Variants in CCDC7 observed in about 807,000 individuals in gnomAD.
CCDC7 encodes coiled-coil domain-containing protein 7.
A neutral mutation model predicts 196.9 loss-of-function variants in CCDC7; 183 were observed. That is an observed-to-expected ratio of 0.93 (90% confidence interval 0.82 to 1.05). The LOEUF is 1.05. Among genes scored for constraint, CCDC7 ranks in the 50% least tolerant of loss-of-function variants. The pLI is 0.00. For synonymous variants in CCDC7, 525 were observed against 484.6 expected (o/e 1.08, Z -1.10); for missense variants, 1,540 against 1,482.2 (o/e 1.04, Z -0.64).
At chr10:32,798,718 G>C (rs112417332) in intron 29 of CCDC7, among the ~76,000 whole-genome samples, 6,948 of 152,272 alleles carry the variant, frequency 0.046, 537 homozygotes, top group African/African-American at 0.16. Flanking sequence ...CTTCCATGCA[G>C]AGTGCACAAC....
intron 41 of CCDC7, among the ~76,000 whole-genome samples, chr10:32,858,970 G>A (rs1353518270): frequency 6.6e-6 from 1 of 152,106 alleles, no homozygotes; most frequent in Non-Finnish European, 1.5e-5. Context: ...ATAATAGTGG[G>A]AGACTTTAAC....
intron 25 of CCDC7, among the ~76,000 whole-genome samples, chr10:32,715,777 C>A (rs1236117125): frequency 6.6e-6 from 1 of 152,054 alleles, no homozygotes; most frequent in Non-Finnish European, 1.5e-5. Context: ...ATAGATGAAT[C>A]AATCAAGTGG....
At chr10:32,639,199 AT>A in intron 20 of CCDC7, among the ~76,000 whole-genome samples, 1 of 151,982 alleles carries the variant, frequency 6.6e-6, no homozygotes, top group South Asian at 2.1e-4. Context: ...GGATTCATTG[AT>A]TTTTTTGAAG....
chr10:32,572,651 A>G (rs1034202138), intron 16 of CCDC7, among the ~76,000 whole-genome samples: 1 of 152,136 alleles, frequency 6.6e-6, no homozygotes, highest in East Asian at 1.9e-4. Context: ...TTTAAATACA[A>G]TGTCCAAGAG....
chr10:32,662,832 G>A (rs1450499911), intron 20 of CCDC7, among the ~76,000 whole-genome samples: 1 of 152,122 alleles, frequency 6.6e-6, no homozygotes, highest in Non-Finnish European at 1.5e-5. Context: ...AATGAACCTA[G>A]GTCTGAGTTT....
chr10:32,851,162 T>A (rs2093551662), intron 39 of CCDC7, among the ~76,000 whole-genome samples: 3 of 152,154 alleles, frequency 2.0e-5, no homozygotes, highest in African/African-American at 7.2e-5. Context: ...GAAGTGTAAT[T>A]TTAGGTTGTT....
At chr10:32,872,301 G>A (rs1276376368) in intron 41 of CCDC7, among the ~76,000 whole-genome samples, 1 of 151,952 alleles carries the variant, frequency 6.6e-6, no homozygotes, top group East Asian at 1.9e-4. Flanking sequence ...TTACCATTAT[G>A]TAATGGCCTT....
At chr10:32,841,281 C>T (rs1012639872) in intron 33 of CCDC7, among the ~76,000 whole-genome samples, 14 of 151,828 alleles carry the variant, frequency 9.2e-5, no homozygotes, top group Non-Finnish European at 1.5e-4. Flanking sequence ...TCCCAGAACT[C>T]GTAAATGAAT....
intron 20 of CCDC7, among the ~76,000 whole-genome samples, chr10:32,660,784 G>A (rs1310970957): frequency 4.6e-5 from 7 of 151,360 alleles, no homozygotes; most frequent in Non-Finnish European, 7.4e-5. Context: ...ATAGAAAGCT[G>A]AAACTGGATC....
intron 30 of CCDC7, among the ~76,000 whole-genome samples, chr10:32,814,107 G>A (rs543633167): frequency 5.9e-5 from 9 of 152,120 alleles, no homozygotes; most frequent in South Asian, 2.1e-4. Flanking sequence ...ACAGGCATGC[G>A]CCACCACACC....
intron 16 of CCDC7, among the ~76,000 whole-genome samples, chr10:32,573,199 A>G (rs1420538669): frequency 3.3e-5 from 5 of 152,094 alleles, no homozygotes; most frequent in African/African-American, 1.2e-4. Flanking sequence ...ATTCATACTC[A>G]GATTATGGTA....
At chr10:32,681,794 C>T (rs917887981) in intron 21 of CCDC7, among the ~76,000 whole-genome samples, 1 of 149,160 alleles carries the variant, frequency 6.7e-6, no homozygotes, top group Non-Finnish European at 1.5e-5. Flanking sequence ...CAGCTTCATA[C>T]ACACATCTGC....
At chr10:32,560,245 T>C (rs1161400825) in intron 13 of CCDC7, among the ~76,000 whole-genome samples, 2 of 152,180 alleles carry the variant, frequency 1.3e-5, no homozygotes, top group Non-Finnish European at 2.9e-5. Context: ...TGGAAAACAC[T>C]CTGCAAGATA....
At chr10:32,549,117 AG>A (rs1319936200) in intron 13 of CCDC7, among the ~76,000 whole-genome samples, 1 of 152,178 alleles carries the variant, frequency 6.6e-6, no homozygotes, top group African/African-American at 2.4e-5. Context: ...TGCAGGAGCA[AG>A]GTGGTATGGC....
In CCDC7 at chr10:32,675,090, A is replaced by G. The variant is rs116288244; in HGVS notation, c.2123-10880A>G. On this transcript the variant is annotated intron_variant, in intron 21 of 41. Coordinates refer to ENST00000639629, the Ensembl canonical transcript of CCDC7. ...TTTGAATGTTAACTTTAACCTATTT[A>G]TATTTAAAATTATTATTGCTAGGTG... 3.7e-3 allele frequency among the ~76,000 whole-genome samples: 559 copies of G among 152,172 alleles called. 3 individuals carry two copies. Among genetic ancestry groups the G allele is most frequent in the African/African-American group, 0.012 (518 of 41,540 alleles).
Position 32,603,161 on chromosome 10 carries a change from C to CTT in CCDC7, c.1801+18869_1801+18870dup, listed in dbSNP as rs35440134. On this transcript the variant is annotated intron_variant, in intron 18 of 41. Transcript: ENST00000639629. The stretch of plus-strand genomic sequence containing the variant: ...GTACTCTATATCCCCATGAAATTCA[C>CTT]TTTTTTTTTTTTTAGCTCATACATA... Among the ~76,000 whole-genome samples the CTT allele has an allele frequency of 1.7e-3, 253 of 145,840 alleles. 1 individual carries two copies. The highest frequency in any genetic ancestry group is 5.3e-3 in the African/African-American group (210 of 39,844).
intron 20 of CCDC7, among the ~76,000 whole-genome samples, chr10:32,647,546 G>T (rs1053494577): frequency 3.1e-5 from 4 of 130,490 alleles, no homozygotes; most frequent in African/African-American, 1.1e-4. Context: ...GTGTGAGATG[G>T]TATCTCATTG....
chr10:32,651,363 T>C (rs1214901015), intron 20 of CCDC7, among the ~76,000 whole-genome samples: 1 of 152,100 alleles, frequency 6.6e-6, no homozygotes, highest in Admixed American at 6.5e-5. Context: ...TCCATCCACA[T>C]TTGGTGTTTT....
intron 21 of CCDC7, among the ~76,000 whole-genome samples, chr10:32,684,790 ATATTT>A (rs2076270222): frequency 6.6e-6 from 1 of 152,196 alleles, no homozygotes; most frequent in Non-Finnish European, 1.5e-5. Flanking sequence ...CCTACTGAAA[ATATTT>A]TGTGATGTGT....
Sources: gnomAD v4.1 joint callset for allele counts (sites outside exome capture counted in the v4.1 genomes callset) on GRCh38, gnomAD v4.1.1 for gene constraint, MANE v1.5 for transcripts, NCBI Gene and HGNC (gene_info 2026-07-23, HGNC 2026-07-21) for gene names.